Variants in OSBPL1A observed in about 807,000 individuals in gnomAD.
The protein encoded by OSBPL1A is oxysterol-binding protein-related protein 1.
In OSBPL1A, 80 loss-of-function variants were observed where a neutral mutation model predicts 137.1. That is an observed-to-expected ratio of 0.58 (90% CI 0.49 to 0.70). The LOEUF (loss-of-function observed/expected upper bound fraction) is 0.70. Ranked by LOEUF, OSBPL1A falls within the 30% of genes least tolerant of loss-of-function variation. OSBPL1A has a pLI of 0.00. For missense variants in OSBPL1A, 970 were observed against 1,129.4 expected, an observed-to-expected ratio of 0.86 and a Z score of 2.02; for synonymous variants, 365 against 389.7, an observed-to-expected ratio of 0.94 and a Z score of 0.75.
chr18:24,165,089 T>G lies in OSBPL1A; in HGVS notation c.2726A>C (p.Lys909Thr). 1 of 1,614,220 alleles carries G rather than the reference T, an allele frequency of 6.2e-7. No individual in the cohort carries two copies. Among genetic ancestry groups the G allele is most frequent in the East Asian group, 2.2e-5 (1 of 44,884 alleles). The change falls in exon 27 of 28, where the codon AAG becomes ACG. Residue 909 changes from lysine to threonine, a missense_variant. By Grantham distance (78) the Lys-to-Thr change is moderately conservative. This residue lies in a region of OSBPL1A where 323 missense variants were observed against 456.8 expected (regional missense o/e 0.71). Transcript: ENST00000319481. Reference protein sequence around the residue: ...KQRAARKNRSKSEEDWKTRWF... With the variant: ...KQRAARKNRSTSEEDWKTRWF... ...CCTCGTCTTCCAGTCCTCTTCTGACTTGGACCTGTTTTTGCGGGCTGCTCT... is the reference window on the plus strand; with the variant it reads ...CCTCGTCTTCCAGTCCTCTTCTGACGTGGACCTGTTTTTGCGGGCTGCTCT...
At chr18:24,262,790 A>T (rs1599582648) in intron 15 of OSBPL1A, among the ~76,000 whole-genome samples, 2 of 95,588 alleles carry the variant, frequency 2.1e-5, no homozygotes, top group Admixed American at 1.3e-4. Context: ...CCTTCTCTCC[A>T]CCCCCTACCC....
intron 4 of OSBPL1A, among the ~76,000 whole-genome samples, chr18:24,356,856 G>C (rs2091544716): frequency 6.6e-6 from 1 of 152,146 alleles, no homozygotes; most frequent in Non-Finnish European, 1.5e-5. Flanking sequence ...GAATGTGGAG[G>C]ATGACACTGA....
intron 4 of OSBPL1A, among the ~76,000 whole-genome samples, chr18:24,350,183 C>T (rs1322053981): frequency 1.3e-5 from 2 of 152,110 alleles, no homozygotes; most frequent in African/African-American, 4.8e-5. Flanking sequence ...GCAGAAGTCT[C>T]ATATAACAGC....
rs1221951993 is a variant in OSBPL1A, at chr18:24,163,086, TA to T, written c.*92del. On this transcript the variant is annotated 3_prime_UTR_variant, in exon 28 of 28. Coordinates refer to ENST00000319481, the MANE Select transcript of OSBPL1A (RefSeq NM_080597.4). ...ATGAGTGTTTTTTCATTTTTTTTTT[TA>T]AAAGATAAGTAGAAACCAAGGGAAA... 8.0e-5 allele frequency: 62 copies of T among 777,080 alleles called. No individual in the cohort carries two copies. Among genetic ancestry groups the T allele is most frequent in the Admixed American group, 1.4e-4 (4 of 29,038 alleles). The allele number at this position is 777,080 out of a possible 1,614,324, so 48.1% of individuals were successfully genotyped here.
At chr18:24,380,805 A>G (rs1906521152) in intron 1 of OSBPL1A, among the ~76,000 whole-genome samples, 1 of 152,140 alleles carries the variant, frequency 6.6e-6, no homozygotes, top group African/African-American at 2.4e-5. Context: ...CAAAAAAATT[A>G]GCCAGGCATG....
At chr18:24,212,474 C>T (rs149684019) in intron 17 of OSBPL1A, among the ~76,000 whole-genome samples, 165 of 152,274 alleles carry the variant, frequency 1.1e-3, no homozygotes, top group African/African-American at 3.8e-3. Context: ...TCAAAAATTT[C>T]AACCAACATA....
intron 16 of OSBPL1A, among the ~76,000 whole-genome samples, chr18:24,232,231 T>C (rs909800262): frequency 6.6e-6 from 1 of 152,078 alleles, no homozygotes; most frequent in East Asian, 1.9e-4. Flanking sequence ...CCTAACATAT[T>C]TAAAGTGAAT....
At chr18:24,357,416 T>C (rs1465475517) in intron 4 of OSBPL1A, 2 of 152,176 alleles carry the variant, frequency 1.3e-5, no homozygotes, top group African/African-American at 2.4e-5. Context: ...CAATTAGATA[T>C]GCATTTGCGT....
At chr18:24,198,681 G>A (rs2087112619) in intron 17 of OSBPL1A, among the ~76,000 whole-genome samples, 1 of 151,864 alleles carries the variant, frequency 6.6e-6, no homozygotes, top group South Asian at 2.1e-4. Flanking sequence ...CACAAGCCAT[G>A]GCTTAGTAAA....
rs530176610 is a variant in OSBPL1A, at chr18:24,347,094, G to A, written c.283-5436C>T. Among the ~76,000 whole-genome samples, 105 of 152,142 alleles carry A rather than the reference G, an allele frequency of 6.9e-4. 1 individual carries two copies. The highest frequency in any genetic ancestry group is 4.2e-4 in the South Asian group (2 of 4,816). Reference sequence around the variant, plus strand: ...GAATTATGCTGCTATGAATGTTCCCGTATTGATTTTGAAAGATATACTTTT... The same window carrying A: ...GAATTATGCTGCTATGAATGTTCCCATATTGATTTTGAAAGATATACTTTT... On this transcript the variant is annotated intron_variant, in intron 4 of 27. Coordinates refer to ENST00000319481, the MANE Select transcript of OSBPL1A (RefSeq NM_080597.4).
intron 14 of OSBPL1A, among the ~76,000 whole-genome samples, chr18:24,285,214 C>T (rs554035135): frequency 6.6e-6 from 1 of 152,300 alleles, no homozygotes; most frequent in Non-Finnish European, 1.5e-5. Flanking sequence ...CCTCCTTACC[C>T]CCATCCAAAC....
chr18:24,173,033 C>T (rs562335790), intron 21 of OSBPL1A, among the ~76,000 whole-genome samples: 3 of 152,204 alleles, frequency 2.0e-5, no homozygotes, highest in African/African-American at 7.2e-5. Context: ...ATAAAGCAAA[C>T]GTGGCACACA....
At chr18:24,245,447 C>A (rs1623173) in intron 15 of OSBPL1A, among the ~76,000 whole-genome samples, 132,371 of 152,148 alleles carry the variant, frequency 0.87, 57,905 homozygotes, top group East Asian at 0.99. Flanking sequence ...ACTTTTTTCA[C>A]GGTATGTGCT....
At chr18:24,261,581 C>G (rs1316965426) in intron 15 of OSBPL1A, among the ~76,000 whole-genome samples, 1 of 152,114 alleles carries the variant, frequency 6.6e-6, no homozygotes, top group Non-Finnish European at 1.5e-5. Flanking sequence ...ACCCGTAATC[C>G]CAGCACTCTG....
intron 2 of OSBPL1A, among the ~76,000 whole-genome samples, chr18:24,369,049 T>G (rs1023645933): frequency 6.6e-6 from 1 of 152,172 alleles, no homozygotes; most frequent in African/African-American, 2.4e-5. Flanking sequence ...CCTGAGTAAC[T>G]GTGAGTCAAT....
chr18:24,376,290 T>G (rs1469771419), intron 2 of OSBPL1A, among the ~76,000 whole-genome samples: 1 of 152,136 alleles, frequency 6.6e-6, no homozygotes, highest in African/African-American at 2.4e-5. Flanking sequence ...CCAGGTTAGC[T>G]AGATACAGAG....
intron 17 of OSBPL1A, among the ~76,000 whole-genome samples, chr18:24,198,300 T>C (rs2087098970): frequency 6.6e-6 from 1 of 152,196 alleles, no homozygotes; most frequent in African/African-American, 2.4e-5. Flanking sequence ...AGGCAGAAGA[T>C]GAGAGACATT....
intron 11 of OSBPL1A, among the ~76,000 whole-genome samples, chr18:24,315,842 T>C (rs2090722571): frequency 8.5e-6 from 1 of 117,250 alleles, no homozygotes; most frequent in Non-Finnish European, 1.6e-5. Context: ...GTATATATTA[T>C]ATAATAAAAT....
chr18:24,395,516 C>G (rs1025232087), intron 1 of OSBPL1A, among the ~76,000 whole-genome samples: 9 of 152,114 alleles, frequency 5.9e-5, no homozygotes, highest in Non-Finnish European at 1.0e-4. Context: ...CGGCATTGTG[C>G]CATGTTATTA....
Sources: gnomAD v4.1 joint callset for allele counts (sites outside exome capture counted in the v4.1 genomes callset) on GRCh38, gnomAD v4.1.1 for gene constraint, gnomAD v4.1.1 regional missense constraint, MANE v1.5 for transcripts, NCBI Gene and HGNC (gene_info 2026-07-23, HGNC 2026-07-21) for gene names.